Variants in KIAA0319L observed in about 807,000 individuals in gnomAD.
KIAA0319L encodes KIAA0319 like.
KIAA0319L carries 55 observed loss-of-function variants against 120.1 expected under a neutral mutation model. The observed-to-expected ratio is 0.46, with a 90% CI of 0.37 to 0.57. The LOEUF (loss-of-function observed/expected upper bound fraction) is 0.57. Ranked by LOEUF, KIAA0319L falls within the 20% of genes least tolerant of loss-of-function variation. KIAA0319L has a pLI of 0.00. For missense variants in KIAA0319L, 1,049 were observed against 1,255.3 expected, an observed-to-expected ratio of 0.84 and a Z score of 2.48; for synonymous variants, 398 against 471.9, an observed-to-expected ratio of 0.84 and a Z score of 2.03.
At chr1:35,530,874 A>C (rs1038328008) in intron 2 of KIAA0319L, among the ~76,000 whole-genome samples, 1 of 152,194 alleles carries the variant, frequency 6.6e-6, no homozygotes, top group African/African-American at 2.4e-5. Flanking sequence ...CATCAGTGGC[A>C]TCTGTGATTT....
rs1642193614 is a variant in KIAA0319L at position 35,453,295 on chromosome 1, G to A, written c.1913+262C>T. On this transcript the variant is annotated intron_variant, in intron 12 of 20. Coordinates refer to ENST00000325722, the MANE Select transcript of KIAA0319L (RefSeq NM_024874.5). This position sits in a 1 kb window ranked among gnomAD's most constrained non-coding sequence, Gnocchi z 4.1. The stretch of plus-strand genomic sequence containing the variant: ...TGTAATTAAACTCTGCATTTCAGCA[G>A]ATGGATTGTACCTGAAAAAGCACCA... Among the ~76,000 whole-genome samples, 1 of 152,196 alleles carries A rather than the reference G, an allele frequency of 6.6e-6. No individual in the cohort carries two copies.
In KIAA0319L at chr1:35,435,007, TGG is replaced by T; in HGVS notation, c.3035_3036del (p.Ala1012AspfsTer76). 6.2e-7 allele frequency: 1 copy of T among 1,614,198 alleles called. No homozygotes were observed. The highest frequency in any genetic ancestry group is 8.5e-7 in the Non-Finnish European group (1 of 1,180,036). On this transcript the variant is annotated frameshift_variant, in exon 21 of 21. Coordinates refer to ENST00000325722, the MANE Select transcript of KIAA0319L (RefSeq NM_024874.5). LOFTEE classifies it high-confidence loss of function. ...TTCTCTCGGTCTGGCCATGTAAAGA[TGG>T]CATCATCGCTGTCCAGCTCTGACTC... ...HSESELDSDDAIFTWPDREKG... is the reference protein window; with the variant it reads ...HSESELDSDDXIFTWPDREKG...
intron 2 of KIAA0319L, among the ~76,000 whole-genome samples, chr1:35,548,191 T>C (rs561719965): frequency 1.3e-3 from 197 of 152,068 alleles, no homozygotes; most frequent in Non-Finnish European, 2.5e-3. Context: ...TCTTTAGGAC[T>C]ACCTCTACTT....
intron 10 of KIAA0319L, chr1:35,454,716 A>G (rs1036587063): frequency 3.2e-5 from 34 of 1,064,288 alleles, no homozygotes; most frequent in Non-Finnish European, 4.0e-5. Flanking sequence ...CAGCAGTTTC[A>G]AATAAAGCCA....
At chr1:35,511,095 A>T (rs985491418) in intron 2 of KIAA0319L, 2 of 152,380 alleles carry the variant, frequency 1.3e-5, no homozygotes, top group African/African-American at 4.8e-5. Context: ...AAACTCTATC[A>T]CCATATTAAA....
In KIAA0319L at chr1:35,437,693, C is replaced by T. The variant is rs1353170371; in HGVS notation, c.2963-2612G>A. Among the ~76,000 whole-genome samples the T allele has an allele frequency of 6.6e-6, 1 of 152,150 alleles. No homozygotes were observed. Among genetic ancestry groups the T allele is most frequent in the African/African-American group, 2.4e-5 (1 of 41,434 alleles). ...CTGTCCCCTAATGAATCCCCTCCTC[C>T]CTCCTGGATGGTCATTCTTGGGGTC... On this transcript the variant is annotated intron_variant, in intron 20 of 20. Coordinates refer to ENST00000325722, the MANE Select transcript of KIAA0319L (RefSeq NM_024874.5). This position sits in a 1 kb window ranked among gnomAD's most constrained non-coding sequence, Gnocchi z 4.1.
chr1:35,490,797 A>C (rs752115745), intron 3 of KIAA0319L, among the ~76,000 whole-genome samples: 13 of 152,208 alleles, frequency 8.5e-5, no homozygotes, highest in Non-Finnish European at 1.6e-4. Context: ...GGGACATAGT[A>C]GGAGGTGACT....
intron 2 of KIAA0319L, among the ~76,000 whole-genome samples, chr1:35,541,154 C>G (rs1303734855): frequency 6.6e-6 from 1 of 151,938 alleles, no homozygotes; most frequent in Admixed American, 6.6e-5. Flanking sequence ...GTTGTCCAGA[C>G]TGGTCTCAAA....
intron 2 of KIAA0319L, among the ~76,000 whole-genome samples, chr1:35,519,008 C>T (rs556851094): frequency 7.0e-4 from 105 of 149,918 alleles, no homozygotes; most frequent in Non-Finnish European, 1.3e-3. Context: ...GGCTTCCTTG[C>T]TCAAATTCTC....
intron 1 of KIAA0319L, among the ~76,000 whole-genome samples, chr1:35,555,918 T>A (rs1647935686): frequency 6.6e-6 from 1 of 152,206 alleles, no homozygotes; most frequent in Admixed American, 6.5e-5. Context: ...GTCTAATAAA[T>A]CTTGCGTCTA....
intron 3 of KIAA0319L, among the ~76,000 whole-genome samples, chr1:35,491,906 G>A (rs1644608308): frequency 6.6e-6 from 1 of 152,122 alleles, no homozygotes; most frequent in African/African-American, 2.4e-5. Flanking sequence ...GGCATGAAAT[G>A]CATAAATTCC....
intron 2 of KIAA0319L, among the ~76,000 whole-genome samples, chr1:35,520,962 A>G (rs1389049130): frequency 1.3e-5 from 2 of 152,256 alleles, no homozygotes; most frequent in South Asian, 2.1e-4. Flanking sequence ...ATGTGACACG[A>G]TATCAAAAAT....
At chr1:35,537,057 T>C (rs1463938337) in intron 2 of KIAA0319L, among the ~76,000 whole-genome samples, 3 of 152,196 alleles carry the variant, frequency 2.0e-5, no homozygotes, top group Non-Finnish European at 4.4e-5. Flanking sequence ...TGTAATACTG[T>C]CTTTGTACTT....
rs553615278 is a variant in KIAA0319L at position 35,460,218 on chromosome 1, T to G, written c.1427+87A>C. ...ACCAACTCCACAGTGAATTTGATAT[T>G]TGTCAAAGTTACTCATATAACAATG... is the stretch of plus-strand genomic sequence containing the variant. On this transcript the variant is annotated intron_variant, in intron 9 of 20. Transcript: ENST00000325722. 250 of 1,084,838 alleles carry G rather than the reference T, an allele frequency of 2.3e-4. 5 individuals carry two copies. The South Asian group carries it at 3.5e-3, about 15-fold the overall frequency. The allele number at this position is 1,084,838 out of a possible 1,614,324, so 67.2% of individuals were successfully genotyped here.
intron 2 of KIAA0319L, among the ~76,000 whole-genome samples, chr1:35,544,139 G>A (rs539319578): frequency 1.4e-4 from 21 of 152,202 alleles, no homozygotes; most frequent in African/African-American, 3.9e-4. Context: ...GGGCCAAGGC[G>A]GGCAGATTGC....
intron 4 of KIAA0319L, among the ~76,000 whole-genome samples, chr1:35,475,438 T>G (rs1643871943): frequency 6.6e-6 from 1 of 152,124 alleles, no homozygotes; most frequent in Admixed American, 6.6e-5. Context: ...CCATTCCAAT[T>G]GCTACAAGAT....
chr1:35,457,195 T>C (rs1642534438), intron 9 of KIAA0319L, among the ~76,000 whole-genome samples: 1 of 152,136 alleles, frequency 6.6e-6, no homozygotes, highest in South Asian at 2.1e-4. Flanking sequence ...GGCTATATAG[T>C]GAGCCAAGAT....
At position 35,456,719 on chromosome 1, in the gene KIAA0319L, G is replaced by A. The variant is rs187637237; in HGVS notation, c.1428-478C>T. Among the ~76,000 whole-genome samples, 365 of 152,048 alleles carry A rather than the reference G, an allele frequency of 2.4e-3. 2 individuals carry two copies. Among genetic ancestry groups the A allele is most frequent in the African/African-American group, 7.8e-3 (324 of 41,430 alleles). On this transcript the variant is annotated intron_variant, in intron 9 of 20. Transcript: ENST00000325722. ...CCAGCTACTTGGGAGGCTGAGGCAAGAGAATTTCTTGAACCCGGGAGGCGG... is the reference window on the plus strand; with the variant it reads ...CCAGCTACTTGGGAGGCTGAGGCAAAAGAATTTCTTGAACCCGGGAGGCGG...
At chr1:35,547,851 G>A (rs948040095) in intron 2 of KIAA0319L, among the ~76,000 whole-genome samples, 6 of 152,152 alleles carry the variant, frequency 3.9e-5, no homozygotes, top group Non-Finnish European at 7.3e-5. Context: ...GCCAGGTGCA[G>A]TGGCTCACGC....
Sources: gnomAD v4.1 joint callset for allele counts (sites outside exome capture counted in the v4.1 genomes callset) on GRCh38, gnomAD v4.1.1 for gene constraint, Gnocchi (gnomAD v3.1) non-coding constraint, MANE v1.5 for transcripts, NCBI Gene and HGNC (gene_info 2026-07-23, HGNC 2026-07-21) for gene names.